The following MYO18B variants were observed in gnomAD, a reference collection of about 807,000 sequenced individuals.
The protein encoded by MYO18B is unconventional myosin-XVIIIb.
Under a neutral mutation model 273.0 loss-of-function variants are expected in MYO18B, and 204 were observed. The ratio of observed to expected loss-of-function variants is 0.75; its 90% confidence interval spans 0.67 to 0.84. The LOEUF (loss-of-function observed/expected upper bound fraction) is 0.84, where lower values mean the gene tolerates loss of function less well. MYO18B is among the 40% of genes least tolerant of loss of function. The pLI is 0.00. For missense variants in MYO18B, 3,212 were observed against 3,287.6 expected (o/e 0.98, Z 0.56); for synonymous variants, 1,330 against 1,305.7 (o/e 1.02, Z -0.40).
chr22:25,759,387 GCTGGA>G lies in MYO18B; in HGVS notation c.-109-1596_-109-1592del, dbSNP rs1360050035. 4.7e-3 allele frequency among the ~76,000 whole-genome samples: 713 copies of G among 152,228 alleles called. 6 individuals carry two copies. Among genetic ancestry groups the G allele is most frequent in the Middle Eastern group, 6.8e-3 (2 of 294 alleles). ...TGTCCTTTGCAGGGACATGGATGAA[GCTGGA>G]AACCATCATTCTCAGTAAACTAACA... On this transcript the variant is annotated intron_variant, in intron 1 of 43. Transcript: ENST00000335473.
intron 18 of MYO18B, among the ~76,000 whole-genome samples, chr22:25,844,303 G>C (rs73879568): frequency 0.062 from 9,430 of 152,320 alleles, 340 homozygotes; most frequent in East Asian, 0.11. Context: ...GCTCAGCCCA[G>C]AGTGCTGGCG....
At chr22:25,804,053 G>A (rs796371105) in intron 12 of MYO18B, among the ~76,000 whole-genome samples, 15 of 151,592 alleles carry the variant, frequency 9.9e-5, no homozygotes, top group African/African-American at 3.4e-4. Context: ...TTCTGTATTC[G>A]TGAGTTTGAA....
intron 20 of MYO18B, 33 bp downstream of exon 20, chr22:25,847,685 C>CT: frequency 6.6e-7 from 1 of 1,503,818 alleles, no homozygotes; most frequent in Non-Finnish European, 9.0e-7. Flanking sequence ...CACCTTGTCT[C>CT]TGACTCCTGG....
rs116889070 is a variant in MYO18B at position 25,833,840 on chromosome 22, C to T, written c.3060+843C>T. ...CTCTCCTGCCATCTGACACTGCAGG[C>T]TGCCCCTCCCCTTTTCTTCCTTCCT... On this transcript the variant is annotated intron_variant, in intron 16 of 43. Coordinates refer to ENST00000335473, the MANE Select transcript of MYO18B (RefSeq NM_032608.7). Among the ~76,000 whole-genome samples, 13 of 152,366 alleles carry T rather than the reference C, an allele frequency of 8.5e-5. No individual in the cohort carries two copies. The East Asian group carries it at 2.1e-3, about 25-fold the overall frequency.
rs562969748 is a variant in MYO18B at position 25,791,171 on chromosome 22, G to A, written c.2376+5680G>A. ...ATCATTCCAAGCTGGAGAGATATGT[G>A]CCTGAGTGGAGGTGTATGTAGGCTG... On this transcript the variant is annotated intron_variant, in intron 11 of 43. Transcript: ENST00000335473. 1.1e-3 allele frequency among the ~76,000 whole-genome samples: 127 copies of A among 120,782 alleles called. 1 individual carries two copies. The East Asian group carries it at 0.028, about 27-fold the overall frequency. The allele number at this position is 120,782 out of a possible 152,430, so 79.2% of individuals were successfully genotyped here. A position where few individuals can be genotyped will look rare whatever the true frequency, so the allele number is the denominator to read the frequency against.
intron 39 of MYO18B, among the ~76,000 whole-genome samples, chr22:25,965,549 G>A (rs1356673223): frequency 2.0e-5 from 3 of 152,172 alleles, no homozygotes; most frequent in Non-Finnish European, 2.9e-5. Context: ...CTCCAGGGCT[G>A]ATTTCAACCT....
intron 3 of MYO18B, among the ~76,000 whole-genome samples, chr22:25,766,905 C>T (rs761958925): frequency 3.9e-5 from 6 of 152,120 alleles, no homozygotes; most frequent in Non-Finnish European, 7.3e-5. Context: ...CGGGCTGTGG[C>T]AATGGCCCAA....
At chr22:26,038,214 A>T in the MYO18B span, among the ~76,000 whole-genome samples, 1 of 152,164 alleles carries the variant, frequency 6.6e-6, no homozygotes, top group Non-Finnish European at 1.5e-5. Context: ...GGGTGCACTA[A>T]AGAATCCTGA....
At chr22:25,879,032 T>G (rs2091271200) in intron 25 of MYO18B, among the ~76,000 whole-genome samples, 1 of 152,214 alleles carries the variant, frequency 6.6e-6, no homozygotes, top group Non-Finnish European at 1.5e-5. Context: ...TTTTGTGATA[T>G]TAAAAACGAG....
At chr22:25,928,783 G>A (rs2092457036) in intron 34 of MYO18B, among the ~76,000 whole-genome samples, 1 of 152,110 alleles carries the variant, frequency 6.6e-6, no homozygotes, top group Non-Finnish European at 1.5e-5. Context: ...TAATAAGGGG[G>A]TACGATAATC....
the MYO18B span, among the ~76,000 whole-genome samples, chr22:26,047,320 G>T: frequency 6.6e-6 from 1 of 152,050 alleles, no homozygotes. Flanking sequence ...TAGAGACGGG[G>T]TTTCACCGTG....
chr22:25,938,150 T>G (rs1162496304), intron 34 of MYO18B, among the ~76,000 whole-genome samples: 1 of 152,174 alleles, frequency 6.6e-6, no homozygotes, highest in Non-Finnish European at 1.5e-5. Flanking sequence ...AAATCCAGGT[T>G]CTAACCATTC....
intron 7 of MYO18B, among the ~76,000 whole-genome samples, chr22:25,774,225 G>C (rs534329647): frequency 7.9e-5 from 12 of 152,278 alleles, no homozygotes; most frequent in Non-Finnish European, 1.6e-4. Context: ...CACACCTTCA[G>C]TCACTCCCAG....
chr22:25,794,265 G>T (rs1030664010), intron 11 of MYO18B, among the ~76,000 whole-genome samples: 1 of 151,476 alleles, frequency 6.6e-6, no homozygotes, highest in Non-Finnish European at 1.5e-5. Context: ...GGAGTGCAGT[G>T]GTGTGATCGT....
At chr22:25,786,950 AC>A (rs919049506) in intron 11 of MYO18B, among the ~76,000 whole-genome samples, 4 of 152,218 alleles carry the variant, frequency 2.6e-5, no homozygotes, top group African/African-American at 9.6e-5. Flanking sequence ...GCGGTGGCTC[AC>A]GCCTGTAATC....
At chr22:26,050,490 A>C in the MYO18B span, among the ~76,000 whole-genome samples, 1 of 152,164 alleles carries the variant, frequency 6.6e-6, no homozygotes, top group Admixed American at 6.5e-5. Flanking sequence ...GTTAGGGAAG[A>C]GAATAACAAA....
At chr22:25,785,927 A>C (rs1225361901) in intron 11 of MYO18B, among the ~76,000 whole-genome samples, 1 of 152,146 alleles carries the variant, frequency 6.6e-6, no homozygotes, top group Non-Finnish European at 1.5e-5. Context: ...AAATCAATCA[A>C]TAGGGTGCTC....
chr22:25,969,096 G>A (rs1355926051), intron 39 of MYO18B, among the ~76,000 whole-genome samples: 1 of 152,094 alleles, frequency 6.6e-6, no homozygotes, highest in Admixed American at 6.6e-5. Context: ...CTACCTCTGT[G>A]GGCAACAACA....
intron 33 of MYO18B, among the ~76,000 whole-genome samples, chr22:25,918,447 G>T (rs1351475665): frequency 6.6e-6 from 1 of 152,204 alleles, no homozygotes; most frequent in East Asian, 1.9e-4. Flanking sequence ...ATCAAAGTTT[G>T]AATCTTTGTG....
Sources: allele counts gnomAD v4.1 joint callset (sites outside exome capture counted in the v4.1 genomes callset), GRCh38; gene constraint gnomAD v4.1.1; transcripts MANE v1.5; gene names NCBI Gene and HGNC (gene_info 2026-07-23, HGNC 2026-07-21).